NUDCD3: variants seen among roughly 807,000 people sequenced by gnomAD.
NUDCD3 encodes NudC domain containing 3.
A neutral mutation model predicts 39.7 loss-of-function variants in NUDCD3; 13 were observed. The observed-to-expected ratio is 0.33, with a 90% CI of 0.21 to 0.52. NUDCD3 has a LOEUF of 0.52. Ranked by LOEUF, NUDCD3 falls within the 20% of genes least tolerant of loss-of-function variation. The pLI is 0.96. For missense variants in NUDCD3, 453 were observed against 458.1 expected (o/e 0.99, Z 0.10); for synonymous variants, 175 against 172.4 (o/e 1.02, Z -0.12).
chr7:44,454,155 C>T (rs571136339), intron 2 of NUDCD3, among the ~76,000 whole-genome samples: 1 of 152,172 alleles, frequency 6.6e-6, no homozygotes, highest in South Asian at 2.1e-4. Context: ...CTGGCTAACA[C>T]GGTGAAACGC....
chr7:44,380,398 A>G lies in NUDCD3; in HGVS notation c.*5613T>C, dbSNP rs1224485432. 1 of 152,134 alleles carries G rather than the reference A, an allele frequency of 6.6e-6. No individual in the cohort carries two copies. The highest frequency in any genetic ancestry group is 2.4e-5 in the African/African-American group (1 of 41,390). 9.4% of individuals were successfully genotyped at this position (152,134 alleles called of 1,614,324 possible). ...GCATGATGCCAAGCTTAGAAATGTC[A>G]CCCTGGAGTCACAAAATCCCTTCTT... On this transcript the variant is annotated 3_prime_UTR_variant, in exon 6 of 6. Coordinates refer to ENST00000355451, the MANE Select transcript of NUDCD3 (RefSeq NM_015332.4).
At position 44,385,823 on chromosome 7, in the gene NUDCD3, G is replaced by GC; in HGVS notation, c.*187dup. Reference sequence around the variant, plus strand: ...CACAGCGGCCACCACATAGCAGCTGGCCCCGCACCTTCTCTGGAACAGTCT... The same window carrying GC: ...CACAGCGGCCACCACATAGCAGCTGGCCCCCGCACCTTCTCTGGAACAGTCT... On this transcript the variant is annotated 3_prime_UTR_variant, in exon 6 of 6. Transcript: ENST00000355451. 1.7e-6 allele frequency: 1 copy of GC among 585,278 alleles called. No homozygotes were observed. The highest frequency in any genetic ancestry group is 3.1e-6 in the Non-Finnish European group (1 of 327,778). The allele number at this position is 585,278 out of a possible 1,614,324, so 36.3% of individuals were successfully genotyped here.
At chr7:44,442,221 T>C (rs1799599360) in intron 2 of NUDCD3, among the ~76,000 whole-genome samples, 1 of 152,208 alleles carries the variant, frequency 6.6e-6, no homozygotes, top group Admixed American at 6.5e-5. Flanking sequence ...GGAGAAGCTA[T>C]CTTACTAGCC....
intron 3 of NUDCD3, among the ~76,000 whole-genome samples, chr7:44,425,561 C>G (rs1247533815): frequency 6.6e-6 from 1 of 152,154 alleles, no homozygotes; most frequent in Non-Finnish European, 1.5e-5. Context: ...ACATCTCTCT[C>G]CCACTAAAAG....
chr7:44,477,576 G>A (rs963880324), intron 2 of NUDCD3, among the ~76,000 whole-genome samples: 5 of 152,046 alleles, frequency 3.3e-5, no homozygotes, highest in Admixed American at 1.3e-4. Context: ...TGACACTGAC[G>A]GCCCATGCCC....
At chr7:44,461,374 G>C (rs980052436) in intron 2 of NUDCD3, among the ~76,000 whole-genome samples, 1 of 152,152 alleles carries the variant, frequency 6.6e-6, no homozygotes, top group African/African-American at 2.4e-5. Context: ...CATCATAGAA[G>C]GTATGCCACA....
chr7:44,450,662 C>G (rs985088985), intron 2 of NUDCD3, among the ~76,000 whole-genome samples: 2 of 151,822 alleles, frequency 1.3e-5, no homozygotes, highest in African/African-American at 4.8e-5. Context: ...AAATAAAACA[C>G]TAAATGTTAG....
At chr7:44,478,278 C>T (rs866088166) in intron 2 of NUDCD3, among the ~76,000 whole-genome samples, 2 of 152,140 alleles carry the variant, frequency 1.3e-5, no homozygotes, top group Admixed American at 6.5e-5. Context: ...GGGCCGGGCG[C>T]GGTGGCTCAC....
At chr7:44,488,324 G>A (rs1441973825) in intron 1 of NUDCD3, among the ~76,000 whole-genome samples, 3 of 141,186 alleles carry the variant, frequency 2.1e-5, no homozygotes, top group Non-Finnish European at 4.5e-5. Context: ...GACAGAGTGA[G>A]ACTCCATCTC....
rs982332161 is a variant in NUDCD3, at chr7:44,392,229, C to T, written c.975+68G>A. The stretch of plus-strand genomic sequence containing the variant: ...CCCACCGTCATCACCAACCCCTCTG[C>T]CACTATCGGCCTTGTCACCAGCACA... On this transcript the variant is annotated intron_variant, in intron 5 of 5. Transcript: ENST00000355451. 1.3e-5 allele frequency: 19 copies of T among 1,470,638 alleles called. No homozygotes were observed. In the South Asian group the frequency reaches 2.3e-4, roughly 17 times the overall value. The allele number at this position is 1,470,638 out of a possible 1,614,324, so 91.1% of individuals were successfully genotyped here. A position where few individuals can be genotyped will look rare whatever the true frequency, so the allele number is the denominator to read the frequency against.
At chr7:44,423,557 A>G (rs141674034) in intron 3 of NUDCD3, among the ~76,000 whole-genome samples, 3 of 152,328 alleles carry the variant, frequency 2.0e-5, no homozygotes, top group East Asian at 3.9e-4. Flanking sequence ...TACAAAGAAA[A>G]TAAAATACCT....
chr7:44,448,004 C>T (rs1208841684), intron 2 of NUDCD3, among the ~76,000 whole-genome samples: 5 of 152,156 alleles, frequency 3.3e-5, no homozygotes, highest in Non-Finnish European at 7.4e-5. Context: ...TCTGGCCTCA[C>T]CCCAGTTCTT....
chr7:44,449,676 A>C (rs1236092274), intron 2 of NUDCD3, among the ~76,000 whole-genome samples: 2 of 152,172 alleles, frequency 1.3e-5, no homozygotes, highest in Admixed American at 6.5e-5. Context: ...TACACACACA[A>C]AAAAGGAACT....
intron 2 of NUDCD3, among the ~76,000 whole-genome samples, chr7:44,469,130 A>C (rs1800198444): frequency 6.7e-6 from 1 of 149,904 alleles, no homozygotes; most frequent in Non-Finnish European, 1.5e-5. Flanking sequence ...AAAAAAAAAA[A>C]AAAAAAAAAA....
chr7:44,484,664 T>C, intron 2 of NUDCD3: 1 of 281,940 alleles, frequency 3.5e-6, no homozygotes, highest in Non-Finnish European at 6.7e-6. Flanking sequence ...CTGCTGAGGC[T>C]AAGCCTCTAA....
At position 44,478,086 on chromosome 7, in the gene NUDCD3, G is replaced by A. The variant is rs541683246; in HGVS notation, c.509+6882C>T. Among the ~76,000 whole-genome samples, 4 of 151,974 alleles carry A rather than the reference G, an allele frequency of 2.6e-5. No individual in the cohort carries two copies. The East Asian group carries it at 5.8e-4, about 22-fold the overall frequency. ...TGACTTCAAATGATCAGCCGGCCTC[G>A]GCCTCTAACAGTGCTGAGATTACAG... On this transcript the variant is annotated intron_variant, in intron 2 of 5. Transcript: ENST00000355451.
intron 4 of NUDCD3, among the ~76,000 whole-genome samples, chr7:44,399,621 A>G (rs148791168): frequency 2.6e-3 from 392 of 152,322 alleles, no homozygotes; most frequent in African/African-American, 9.0e-3. Flanking sequence ...TGGGTAAATT[A>G]GCAAAGATAA....
chr7:44,421,927 TAACA>T (rs756732055), intron 3 of NUDCD3, among the ~76,000 whole-genome samples: 2 of 152,160 alleles, frequency 1.3e-5, no homozygotes, highest in African/African-American at 2.4e-5. Context: ...ACGGAAATCA[TAACA>T]AACAGTCTCT....
intron 2 of NUDCD3, among the ~76,000 whole-genome samples, chr7:44,452,578 G>A (rs1186296260): frequency 1.3e-5 from 2 of 152,226 alleles, no homozygotes; most frequent in Non-Finnish European, 2.9e-5. Flanking sequence ...AAGCACAGGA[G>A]CTGGCTGCAG....
Sources: allele counts gnomAD v4.1 joint callset (sites outside exome capture counted in the v4.1 genomes callset), GRCh38; gene constraint gnomAD v4.1.1; transcripts MANE v1.5; gene names NCBI Gene and HGNC (gene_info 2026-07-23, HGNC 2026-07-21).